The following GSK3B variants were observed in gnomAD, a reference collection of about 807,000 sequenced individuals.
The protein encoded by GSK3B is glycogen synthase kinase 3 beta, also known as glycogen synthase kinase-3 beta.
Under a neutral mutation model 56.4 loss-of-function variants are expected in GSK3B, and 15 were observed. The ratio of observed to expected loss-of-function variants is 0.27; its 90% CI spans 0.18 to 0.41. The LOEUF is 0.41. GSK3B is among the 10% of genes least tolerant of loss of function. GSK3B has a pLI of 1.00. For missense variants in GSK3B, 300 were observed against 513.4 expected (o/e 0.58, Z 4.02); for synonymous variants, 181 against 188.9 (o/e 0.96, Z 0.34).
chr3:119,983,657 A>G (rs1196579492), intron 2 of GSK3B, among the ~76,000 whole-genome samples: 2 of 152,246 alleles, frequency 1.3e-5, no homozygotes, highest in Non-Finnish European at 2.9e-5. Flanking sequence ...AGAAGAGCTA[A>G]CTATCCTAAA....
chr3:120,056,551 GCTGGTCTCGAACTC>G (rs1336080131), intron 1 of GSK3B, among the ~76,000 whole-genome samples: 1 of 152,118 alleles, frequency 6.6e-6, no homozygotes, highest in African/African-American at 2.4e-5. Flanking sequence ...TGTTGGCCAG[GCTGGTCTCGAACTC>G]CTGACCTCAA....
Position 120,039,740 on chromosome 3 carries a change from T to C in GSK3B, c.89-37501A>G, listed in dbSNP as rs531661101. Among the ~76,000 whole-genome samples, 10 of 152,334 alleles carry C rather than the reference T, an allele frequency of 6.6e-5. No individual in the cohort carries two copies. In the South Asian group the frequency reaches 2.1e-3, roughly 32 times the overall value. On this transcript the variant is annotated intron_variant, in intron 1 of 10. Transcript: ENST00000264235. ...GCGGGAGTGACACAGAGGTAGGGACTATGCATTAGAGATAAAAACCCCTTC... is the reference window on the plus strand; with the variant it reads ...GCGGGAGTGACACAGAGGTAGGGACCATGCATTAGAGATAAAAACCCCTTC...
chr3:119,964,562 T>C (rs1318067677), intron 2 of GSK3B, among the ~76,000 whole-genome samples: 2 of 152,094 alleles, frequency 1.3e-5, no homozygotes, highest in African/African-American at 2.4e-5. Flanking sequence ...ATCAAACCTA[T>C]ATAAGTAGAC....
At chr3:120,072,222 T>C (rs2058332166) in intron 1 of GSK3B, among the ~76,000 whole-genome samples, 1 of 152,158 alleles carries the variant, frequency 6.6e-6, no homozygotes, top group Admixed American at 6.5e-5. Context: ...GAAAATTTTC[T>C]CCAACTCATG....
chr3:119,943,866 G>A (rs748740653), intron 3 of GSK3B, among the ~76,000 whole-genome samples: 3 of 151,580 alleles, frequency 2.0e-5, no homozygotes, highest in Non-Finnish European at 4.4e-5. Context: ...CCAAAAAGGG[G>A]GTGACACAGA....
intron 2 of GSK3B, among the ~76,000 whole-genome samples, chr3:119,956,025 C>A (rs923898610): frequency 1.3e-5 from 2 of 151,696 alleles, no homozygotes; most frequent in Non-Finnish European, 2.9e-5. Context: ...AAGGTGGCGG[C>A]GGATAAAACT....
intron 7 of GSK3B, among the ~76,000 whole-genome samples, chr3:119,891,292 T>C (rs180896908): frequency 7.0e-4 from 106 of 151,770 alleles, no homozygotes; most frequent in African/African-American, 2.4e-3. Context: ...GATGATATAA[T>C]TAAAGGCTAA....
chr3:119,921,099 C>A (rs903664178), intron 4 of GSK3B, among the ~76,000 whole-genome samples: 1 of 152,164 alleles, frequency 6.6e-6, no homozygotes, highest in South Asian at 2.1e-4. Flanking sequence ...AGGAAACGGT[C>A]AAATATTATT....
intron 10 of GSK3B, among the ~76,000 whole-genome samples, chr3:119,827,500 C>T (rs1334518530): frequency 6.9e-6 from 1 of 144,180 alleles, no homozygotes; most frequent in Non-Finnish European, 1.5e-5. Context: ...AGATGGGAGG[C>T]TAAGTGGGAG....
chr3:119,876,554 A>G, intron 7 of GSK3B, 46 bp from the exon 8 acceptor site: 1 of 1,044,456 alleles, frequency 9.6e-7, no homozygotes, highest in Non-Finnish European at 1.5e-6. Flanking sequence ...TATATTTACA[A>G]ATTTAGTCTC....
At chr3:119,945,794 A>C (rs1289897370) in intron 3 of GSK3B, among the ~76,000 whole-genome samples, 1 of 152,208 alleles carries the variant, frequency 6.6e-6, no homozygotes, top group East Asian at 1.9e-4. Context: ...AAATGAATCT[A>C]TTGTAATCCA....
chr3:119,925,035 A>G (rs1035418477), intron 3 of GSK3B, among the ~76,000 whole-genome samples: 35 of 152,228 alleles, frequency 2.3e-4, no homozygotes, highest in African/African-American at 7.7e-4. Flanking sequence ...CATCATCAAA[A>G]TTTAATTTGT....
rs1559837825 is a variant in GSK3B, at chr3:119,922,208, G to GGGAAGGAAGGAAGGAGGGAGGGAGGGAA, written c.477+1164_477+1165insTTCCCTCCCTCCCTCCTTCCTTCCTTCC. On this transcript the variant is annotated intron_variant, in intron 4 of 10. Transcript: ENST00000264235. ...AGGTAGGTAGGTAGGTAGGGAAGGA[G>GGGAAGGAAGGAAGGAGGGAGGGAGGGAA]GGAAGGAAGGAAGGAAGGAGGGAAG... is the stretch of plus-strand genomic sequence containing the variant. 2.1e-4 allele frequency among the ~76,000 whole-genome samples: 21 copies of GGGAAGGAAGGAAGGAGGGAGGGAGGGAA among 99,328 alleles called. 1 individual carries two copies. Among genetic ancestry groups the GGGAAGGAAGGAAGGAGGGAGGGAGGGAA allele is most frequent in the African/African-American group, 9.5e-4 (21 of 22,116 alleles). 65.2% of individuals were successfully genotyped at this position (99,328 alleles called of 152,430 possible).
intron 1 of GSK3B, among the ~76,000 whole-genome samples, chr3:120,075,846 A>G (rs2058363161): frequency 1.3e-5 from 2 of 152,144 alleles, no homozygotes; most frequent in Non-Finnish European, 2.9e-5. Context: ...CAAAATCCCA[A>G]TGGCATTCTT....
chr3:119,895,893 G>A (rs1423891119), intron 7 of GSK3B, among the ~76,000 whole-genome samples: 1 of 152,088 alleles, frequency 6.6e-6, no homozygotes, highest in Non-Finnish European at 1.5e-5. Context: ...GGAGGCCAAG[G>A]TAGGTGGATC....
At chr3:120,056,529 G>A (rs1204448859) in intron 1 of GSK3B, among the ~76,000 whole-genome samples, 2 of 152,006 alleles carry the variant, frequency 1.3e-5, no homozygotes, top group African/African-American at 4.8e-5. Flanking sequence ...TCGTAGAGAC[G>A]GGGTTTCACC....
intron 9 of GSK3B, among the ~76,000 whole-genome samples, chr3:119,862,672 T>G (rs1326401432): frequency 3.4e-5 from 5 of 147,356 alleles, no homozygotes; most frequent in East Asian, 1.9e-4. Flanking sequence ...TTCTTGTTTT[T>G]TTTTTTTTTT....
intron 1 of GSK3B, among the ~76,000 whole-genome samples, chr3:120,088,083 G>A (rs990041922): frequency 2.6e-5 from 4 of 152,052 alleles, no homozygotes; most frequent in Non-Finnish European, 5.9e-5. Context: ...TAGTAGAGAC[G>A]GGGTTTCCCC....
intron 1 of GSK3B, among the ~76,000 whole-genome samples, chr3:120,092,333 C>T (rs954862543): frequency 1.3e-5 from 2 of 152,122 alleles, no homozygotes; most frequent in African/African-American, 4.8e-5. Context: ...TAGCCATCTG[C>T]AAAAGCCAAA....
Sources: allele counts gnomAD v4.1 joint callset (sites outside exome capture counted in the v4.1 genomes callset), GRCh38; gene constraint gnomAD v4.1.1; transcripts MANE v1.5; gene names NCBI Gene and HGNC (gene_info 2026-07-23, HGNC 2026-07-21).